C8orf34: variants seen among roughly 807,000 people sequenced by gnomAD.
The protein encoded by C8orf34 is uncharacterized protein C8orf34.
A neutral mutation model predicts 68.3 loss-of-function variants in C8orf34; 65 were observed. The ratio of observed to expected loss-of-function variants is 0.95; its 90% CI spans 0.78 to 1.17. C8orf34 has a LOEUF of 1.17. Ranked by LOEUF, C8orf34 falls within the 50% of genes most tolerant of loss-of-function variation. The pLI is 0.00. For synonymous variants in C8orf34, 244 were observed against 241.2 expected (o/e 1.01, Z -0.11); for missense variants, 664 against 655.4 (o/e 1.01, Z -0.14).
At chr8:68,714,184 T>C (rs1821404316) in intron 9 of C8orf34, among the ~76,000 whole-genome samples, 1 of 152,120 alleles carries the variant, frequency 6.6e-6, no homozygotes, top group Non-Finnish European at 1.5e-5. Flanking sequence ...GCCAACATTA[T>C]ACTGAACAGG....
chr8:68,728,430 A>AGGG (rs1821892928), intron 10 of C8orf34, among the ~76,000 whole-genome samples: 1 of 152,172 alleles, frequency 6.6e-6, no homozygotes, highest in Non-Finnish European at 1.5e-5. Flanking sequence ...CCTGCTACCC[A>AGGG]GTTCCAAAGT....
chr8:68,804,729 T>C (rs568752148), intron 12 of C8orf34, among the ~76,000 whole-genome samples: 2 of 152,198 alleles, frequency 1.3e-5, no homozygotes, highest in East Asian at 3.9e-4. Context: ...CAGTGAGCTG[T>C]GATTGCACCA....
At chr8:68,565,871 T>G (rs976943474) in intron 7 of C8orf34, among the ~76,000 whole-genome samples, 4 of 152,174 alleles carry the variant, frequency 2.6e-5, no homozygotes, top group African/African-American at 9.7e-5. Context: ...CAGGGTTTAT[T>G]TTAATAGAGA....
intron 11 of C8orf34, among the ~76,000 whole-genome samples, chr8:68,780,231 C>T (rs1823636846): frequency 6.6e-6 from 1 of 152,156 alleles, no homozygotes; most frequent in Non-Finnish European, 1.5e-5. Context: ...TAGCTGAAGT[C>T]AATGAAGTCC....
At chr8:68,374,631 T>C (rs556175411) in intron 1 of C8orf34, among the ~76,000 whole-genome samples, 60 of 152,328 alleles carry the variant, frequency 3.9e-4, no homozygotes, top group Admixed American at 1.3e-3. Flanking sequence ...CTCCCAGTGC[T>C]ACAGAGTCTC....
upstream of C8orf34, chr8:68,330,776 C>A: frequency 2.3e-6 from 1 of 434,270 alleles, no homozygotes; most frequent in Non-Finnish European, 4.0e-6. Context: ...AGGAGGTACA[C>A]ACAGTCGCGC....
Position 68,680,093 on chromosome 8 carries a change from A to G in C8orf34, c.1242-28901A>G, listed in dbSNP as rs142488905. On this transcript the variant is annotated intron_variant, in intron 8 of 13. Coordinates refer to ENST00000518698, the MANE Select transcript of C8orf34 (RefSeq NM_052958.4). ...CAAATGAGATCACATCAAGTTAAAA[A>G]CCTTCTGCACAGCAAAGGAAACAAT... Among the ~76,000 whole-genome samples the G allele has an allele frequency of 9.1e-3, 1,388 of 152,256 alleles. 25 individuals are homozygous for G. The highest frequency in any genetic ancestry group is 0.032 in the African/African-American group (1,313 of 41,560).
intron 10 of C8orf34, among the ~76,000 whole-genome samples, chr8:68,748,694 C>G (rs542457764): frequency 3.9e-4 from 59 of 151,818 alleles, no homozygotes; most frequent in African/African-American, 1.4e-3. Context: ...GAGATACCAT[C>G]TCACACCAGT....
At chr8:68,798,284 C>G (rs1824235589) in intron 12 of C8orf34, among the ~76,000 whole-genome samples, 1 of 132,044 alleles carries the variant, frequency 7.6e-6, no homozygotes, top group Admixed American at 7.6e-5. Flanking sequence ...AGCATTATGT[C>G]TGGCTTTTTT....
At chr8:68,394,429 T>C (rs933492361) in intron 1 of C8orf34, among the ~76,000 whole-genome samples, 5 of 151,734 alleles carry the variant, frequency 3.3e-5, no homozygotes, top group African/African-American at 9.7e-5. Context: ...CATCATTTTT[T>C]ATGGCTGCAC....
intron 1 of C8orf34, among the ~76,000 whole-genome samples, chr8:68,420,505 A>G (rs1021408815): frequency 2.6e-5 from 4 of 151,934 alleles, no homozygotes; most frequent in Non-Finnish European, 4.4e-5. Context: ...TCATTCCCCA[A>G]AACTAATTAT....
chr8:68,517,149 A>G (rs1479339772), intron 5 of C8orf34, among the ~76,000 whole-genome samples: 2 of 152,194 alleles, frequency 1.3e-5, no homozygotes, highest in African/African-American at 4.8e-5. Context: ...TTTTTAAATT[A>G]CTTTTGCCAT....
chr8:68,602,550 A>G (rs1817731069), intron 7 of C8orf34, among the ~76,000 whole-genome samples: 1 of 152,048 alleles, frequency 6.6e-6, no homozygotes, highest in South Asian at 2.1e-4. Context: ...CACCCCCATG[A>G]TTAAATTACC....
chr8:68,352,589 C>A (rs1418107334), intron 1 of C8orf34, among the ~76,000 whole-genome samples: 6 of 152,070 alleles, frequency 3.9e-5, no homozygotes, highest in Non-Finnish European at 7.4e-5. Flanking sequence ...CATGAATGCA[C>A]TCCTTTACGC....
chr8:68,550,921 CT>C (rs1816048189), intron 7 of C8orf34, among the ~76,000 whole-genome samples: 2 of 151,226 alleles, frequency 1.3e-5, no homozygotes, highest in South Asian at 2.1e-4. Flanking sequence ...GCTTCCCCCC[CT>C]CTGGTTTCTT....
At position 68,339,153 on chromosome 8, in the gene C8orf34, C is replaced by A. The variant is rs1805971040; in HGVS notation, c.327+7814C>A. ...GTTAATTTTCATATAAAAATACCTG[C>A]TGGAATTTTGATTCAGATTGTGTTG... On this transcript the variant is annotated intron_variant, in intron 1 of 13. Transcript: ENST00000518698. Among the ~76,000 whole-genome samples the A allele has an allele frequency of 5.9e-5, 9 of 151,960 alleles. No individual in the cohort carries two copies. The South Asian group carries it at 1.9e-3, about 32-fold the overall frequency.
chr8:68,503,079 A>G (rs1813848276), intron 5 of C8orf34, among the ~76,000 whole-genome samples: 2 of 152,328 alleles, frequency 1.3e-5, no homozygotes, highest in Non-Finnish European at 1.5e-5. Context: ...ATGGAAGCAG[A>G]GGAATAGAAG....
At chr8:68,368,415 T>C (rs191964466) in intron 1 of C8orf34, among the ~76,000 whole-genome samples, 44 of 152,248 alleles carry the variant, frequency 2.9e-4, no homozygotes, top group Admixed American at 2.8e-3. Context: ...CTATTATTCA[T>C]GAAAAATATG....
At chr8:68,738,940 A>G (rs972120719) in intron 10 of C8orf34, among the ~76,000 whole-genome samples, 5 of 152,178 alleles carry the variant, frequency 3.3e-5, no homozygotes, top group Admixed American at 2.6e-4. Context: ...CTATGAGGCC[A>G]GCATCATCCT....
Sources: allele counts gnomAD v4.1 joint callset (sites outside exome capture counted in the v4.1 genomes callset), GRCh38; gene constraint gnomAD v4.1.1; transcripts MANE v1.5; gene names NCBI Gene and HGNC (gene_info 2026-07-23, HGNC 2026-07-21).